The following RXFP2 variants were observed in gnomAD, a reference collection of about 807,000 sequenced individuals.
RXFP2 encodes the protein relaxin receptor 2.
In RXFP2, 68 loss-of-function variants were observed where a neutral mutation model predicts 88.6. The ratio of observed to expected loss-of-function variants is 0.77; its 90% confidence interval spans 0.63 to 0.94. The LOEUF (loss-of-function observed/expected upper bound fraction) is 0.94. RXFP2 is among the 40% of genes least tolerant of loss of function. The pLI, the probability that RXFP2 is intolerant of heterozygous loss-of-function variation, is 0.00. For synonymous variants in RXFP2, 329 were observed against 306.8 expected, an observed-to-expected ratio of 1.07 and a Z score of -0.76; for missense variants, 791 against 893.9, an observed-to-expected ratio of 0.88 and a Z score of 1.47.
At chr13:31,767,265 G>A (rs979035061) in intron 5 of RXFP2, among the ~76,000 whole-genome samples, 7 of 152,098 alleles carry the variant, frequency 4.6e-5, no homozygotes, top group African/African-American at 1.7e-4. Flanking sequence ...ATCATACCTG[G>A]GCTTGATTGT....
chr13:31,752,143 A>C (rs569278232), intron 1 of RXFP2, among the ~76,000 whole-genome samples: 27 of 152,152 alleles, frequency 1.8e-4, no homozygotes, highest in African/African-American at 6.5e-4. Context: ...GCAGTTTGAA[A>C]TTCTCTTTTT....
At chr13:31,780,322 C>A (rs891652324) in intron 9 of RXFP2, among the ~76,000 whole-genome samples, 42 of 152,188 alleles carry the variant, frequency 2.8e-4, no homozygotes, top group Non-Finnish European at 1.2e-4. Context: ...GAGGCTTCTC[C>A]TCTTCCGTTA....
In RXFP2 at chr13:31,802,679, G is replaced by A. The variant is rs1874413811; in HGVS notation, c.*274G>A. The A allele has an allele frequency of 2.2e-6, 1 of 449,678 alleles. No homozygotes were observed. The highest frequency in any genetic ancestry group is 2.0e-5 in the African/African-American group (1 of 50,374). The allele number at this position is 449,678 out of a possible 1,614,324, so 27.9% of individuals were successfully genotyped here. A position where few individuals can be genotyped will look rare whatever the true frequency, so the allele number is the denominator to read the frequency against. Reference sequence around the variant, plus strand: ...TGGGCTGAGGTGCAGCTGATCTCTAGCTAATCAACACAACCCACCAACAAA... The same window carrying A: ...TGGGCTGAGGTGCAGCTGATCTCTAACTAATCAACACAACCCACCAACAAA... On this transcript the variant is annotated 3_prime_UTR_variant, in exon 18 of 18. Transcript: ENST00000298386.
intron 14 of RXFP2, among the ~76,000 whole-genome samples, chr13:31,791,142 A>G (rs1873772013): frequency 6.6e-6 from 1 of 152,246 alleles, no homozygotes; most frequent in Admixed American, 6.5e-5. Flanking sequence ...CAATGGCCAG[A>G]TGACCTCACC....
At chr13:31,786,286 T>G (rs1328943847) in intron 11 of RXFP2, 97 bp from the exon 12 acceptor site, 1 of 933,906 alleles carries the variant, frequency 1.1e-6, no homozygotes, top group East Asian at 2.4e-5. Context: ...ATTCATATTT[T>G]CTGTTACATC....
In RXFP2 at chr13:31,793,134, A is replaced by C. The variant is rs776006424; in HGVS notation, c.1786+46A>C. 11 of 1,474,164 alleles carry C rather than the reference A, an allele frequency of 7.5e-6. No individual in the cohort carries two copies. The East Asian group carries it at 2.5e-4, about 33-fold the overall frequency. 91.3% of individuals were successfully genotyped at this position (1,474,164 alleles called of 1,614,324 possible). A position where few individuals can be genotyped will look rare whatever the true frequency, so the allele number is the denominator to read the frequency against. On this transcript the variant is annotated intron_variant, in intron 16 of 17. Coordinates refer to ENST00000298386, the MANE Select transcript of RXFP2 (RefSeq NM_130806.5). ...TCCTGGAAAAACATAATTTTGCTAG[A>C]AATACGTTAAATTTCAGCAAAGGTG...
intron 5 of RXFP2, among the ~76,000 whole-genome samples, chr13:31,767,760 C>T (rs1872600972): frequency 6.6e-6 from 1 of 152,178 alleles, no homozygotes; most frequent in Non-Finnish European, 1.5e-5. Context: ...GTAGTGCTTA[C>T]TTTACCATAA....
At chr13:31,762,287 G>A (rs1218355521) in intron 3 of RXFP2, among the ~76,000 whole-genome samples, 2 of 152,216 alleles carry the variant, frequency 1.3e-5, no homozygotes, top group African/African-American at 2.4e-5. Flanking sequence ...GCTGAGGATG[G>A]GGAAAGATTC....
chr13:31,774,130 A>G (rs1274399302), intron 5 of RXFP2, among the ~76,000 whole-genome samples: 2 of 152,194 alleles, frequency 1.3e-5, no homozygotes, highest in African/African-American at 4.8e-5. Context: ...TGAGTACCTA[A>G]CTTGCCTTGT....
intron 1 of RXFP2, among the ~76,000 whole-genome samples, chr13:31,752,537 T>C (rs1208512907): frequency 1.4e-5 from 2 of 147,272 alleles, no homozygotes; most frequent in Non-Finnish European, 3.0e-5. Context: ...AAGGGTAAGA[T>C]TGCCAAGTTT....
At chr13:31,782,898 G>A (rs1873353457) in intron 11 of RXFP2, 151 bp downstream of exon 11, 2 of 636,346 alleles carry the variant, frequency 3.1e-6, no homozygotes, top group Admixed American at 4.6e-5. Flanking sequence ...ACATTATCCT[G>A]AAGTCCAAAG....
chr13:31,788,329 A>T (rs1172888449), intron 13 of RXFP2, among the ~76,000 whole-genome samples: 1 of 152,142 alleles, frequency 6.6e-6, no homozygotes, highest in Non-Finnish European at 1.5e-5. Flanking sequence ...TCAAAAAGAA[A>T]CCAAGTGAGA....
intron 14 of RXFP2, among the ~76,000 whole-genome samples, chr13:31,791,443 C>G (rs1031852972): frequency 1.3e-5 from 2 of 152,134 alleles, no homozygotes; most frequent in Admixed American, 6.5e-5. Context: ...AGCCCAAGCC[C>G]CTGAAAGTCT....
At chr13:31,801,865 C>T (rs924082157) in intron 17 of RXFP2, among the ~76,000 whole-genome samples, 1 of 151,734 alleles carries the variant, frequency 6.6e-6, no homozygotes, top group African/African-American at 2.4e-5. Flanking sequence ...GGAAAAAATG[C>T]ATTATATAGC....
intron 8 of RXFP2, 83 bp from the exon 9 acceptor site, chr13:31,778,428 GT>G (rs957206603): frequency 2.1e-6 from 2 of 950,374 alleles, no homozygotes; most frequent in African/African-American, 3.3e-5. Flanking sequence ...TAGCACGCAA[GT>G]TTTGAAATTT....
intron 3 of RXFP2, among the ~76,000 whole-genome samples, chr13:31,763,081 CT>C (rs71099991): frequency 0.62 from 69,153 of 112,150 alleles, 20,753 homozygotes; most frequent in South Asian, 0.68. Context: ...TGTCTGGAGA[CT>C]TTTTTTTTTT....
intron 13 of RXFP2, among the ~76,000 whole-genome samples, 187 bp from the exon 14 acceptor site, chr13:31,788,935 C>T (rs919156997): frequency 6.6e-6 from 1 of 152,304 alleles, no homozygotes; most frequent in African/African-American, 2.4e-5. Context: ...ATGACACAAT[C>T]AGCGCCAAAC....
At position 31,791,753 on chromosome 13, in the gene RXFP2, G is replaced by C. The variant is rs1010286925; in HGVS notation, c.1146-53G>C. 8.9e-6 allele frequency: 11 copies of C among 1,235,646 alleles called. No individual in the cohort carries two copies. In the African/African-American group the frequency reaches 1.5e-4, roughly 17 times the overall value. 76.5% of individuals were successfully genotyped at this position (1,235,646 alleles called of 1,614,324 possible). The stretch of plus-strand genomic sequence containing the variant: ...TTGCAGCCCCGATAGGACTGCAACT[G>C]TAGGTTCTGTATCATTGCTGCAAAG... On this transcript the variant is annotated intron_variant, in intron 14 of 17. Coordinates refer to ENST00000298386, the MANE Select transcript of RXFP2 (RefSeq NM_130806.5).
intron 4 of RXFP2, 51 bp from the exon 5 acceptor site, chr13:31,765,905 T>C (rs887374881): frequency 2.3e-6 from 2 of 853,924 alleles, no homozygotes; most frequent in Non-Finnish European, 3.9e-6. Context: ...TAGGGAAGAG[T>C]GGGTTGGCCA....
Sources: gnomAD v4.1 joint callset for allele counts (sites outside exome capture counted in the v4.1 genomes callset) on GRCh38, gnomAD v4.1.1 for gene constraint, MANE v1.5 for transcripts, NCBI Gene and HGNC (gene_info 2026-07-23, HGNC 2026-07-21) for gene names.